Variants in MAP3K2 observed in about 807,000 individuals in gnomAD.
The protein encoded by MAP3K2 is MAP/ERK kinase kinase 2.
A neutral mutation model predicts 80.3 loss-of-function variants in MAP3K2; 24 were observed. The ratio of observed to expected loss-of-function variants is 0.30; its 90% CI spans 0.22 to 0.42. The LOEUF (loss-of-function observed/expected upper bound fraction) is 0.42, where lower values mean the gene tolerates loss of function less well. MAP3K2 is among the 10% of genes least tolerant of loss of function. The pLI is 1.00. For synonymous variants in MAP3K2, 244 were observed against 253.7 expected, an observed-to-expected ratio of 0.96 and a Z score of 0.36; for missense variants, 608 against 750.1, an observed-to-expected ratio of 0.81 and a Z score of 2.21.
At chr2:127,336,776 C>T (rs1471764017) in intron 4 of MAP3K2, among the ~76,000 whole-genome samples, 1 of 152,128 alleles carries the variant, frequency 6.6e-6, no homozygotes, top group Non-Finnish European at 1.5e-5. Context: ...ATTTGTGAGC[C>T]ACTTTAAAAT....
At chr2:127,370,990 G>A (rs1687053806) in intron 1 of MAP3K2, among the ~76,000 whole-genome samples, 1 of 152,226 alleles carries the variant, frequency 6.6e-6, no homozygotes, top group South Asian at 2.1e-4. Flanking sequence ...AGTGGCATTA[G>A]AAGGGGAGCT....
chr2:127,340,354 C>T (rs1464610771), intron 2 of MAP3K2, among the ~76,000 whole-genome samples: 1 of 152,090 alleles, frequency 6.6e-6, no homozygotes, highest in Non-Finnish European at 1.5e-5. Context: ...TTGATGTGAC[C>T]TTCTTTAAGA....
intron 5 of MAP3K2, among the ~76,000 whole-genome samples, chr2:127,334,225 A>G (rs1196420313): frequency 6.6e-6 from 1 of 152,178 alleles, no homozygotes; most frequent in Non-Finnish European, 1.5e-5. Context: ...AGGAGGTGAC[A>G]TAGGTATAAT....
intron 9 of MAP3K2, among the ~76,000 whole-genome samples, chr2:127,324,741 G>C (rs543661618): frequency 3.9e-5 from 6 of 152,096 alleles, no homozygotes; most frequent in Admixed American, 2.0e-4. Context: ...ATGGATAAAA[G>C]AAACTTAAAT....
intron 1 of MAP3K2, among the ~76,000 whole-genome samples, chr2:127,350,411 G>A (rs141646575): frequency 1.3e-5 from 2 of 148,882 alleles, no homozygotes; most frequent in East Asian, 3.9e-4. Flanking sequence ...TATCCCACCA[G>A]GGCGACATGG....
At position 127,303,228 on chromosome 2, in the gene MAP3K2, A is replaced by T. The variant is rs771188453; in HGVS notation, c.*4351T>A. ...AGGAACTGTCCTGATCTTAGTATAA[A>T]TAACACTGTTGACAGAGTTCAATTT... On this transcript the variant is annotated 3_prime_UTR_variant, in exon 17 of 17. Transcript: ENST00000682094. 3 of 152,150 alleles carry T rather than the reference A, an allele frequency of 2.0e-5. No individual in the cohort carries two copies. Among genetic ancestry groups the T allele is most frequent in the Non-Finnish European group, 4.4e-5 (3 of 68,020 alleles). The allele number at this position is 152,150 out of a possible 1,614,324, so 9.4% of individuals were successfully genotyped here. A position where few individuals can be genotyped will look rare whatever the true frequency, so the allele number is the denominator to read the frequency against.
chr2:127,353,987 G>A (rs933169119), intron 1 of MAP3K2, among the ~76,000 whole-genome samples: 1 of 151,796 alleles, frequency 6.6e-6, no homozygotes, highest in African/African-American at 2.4e-5. Context: ...TCCACTCAGG[G>A]TTAAATGGAT....
At chr2:127,350,778 T>A (rs117414192) in intron 1 of MAP3K2, among the ~76,000 whole-genome samples, 1 of 151,460 alleles carries the variant, frequency 6.6e-6, no homozygotes, top group Non-Finnish European at 1.5e-5. Flanking sequence ...CTTTCTAGTG[T>A]AGAAAGCCAG....
chr2:127,311,810 A>G (rs1398497249), intron 15 of MAP3K2, among the ~76,000 whole-genome samples: 20 of 152,236 alleles, frequency 1.3e-4, no homozygotes. Context: ...AAAAAAAACT[A>G]GAATCCAAAT....
intron 1 of MAP3K2, among the ~76,000 whole-genome samples, chr2:127,348,538 C>CA (rs1558984115): frequency 6.6e-6 from 1 of 152,098 alleles, no homozygotes; most frequent in African/African-American, 2.4e-5. Context: ...TCTAGAATAG[C>CA]AAATCTACAG....
intron 9 of MAP3K2, 100 bp downstream of exon 9, chr2:127,325,628 C>T (rs1209516759): frequency 2.3e-6 from 2 of 853,162 alleles, no homozygotes; most frequent in African/African-American, 1.7e-5. Context: ...GTCAAGGCTG[C>T]AGTAAGCCGC....
rs533025078 is a variant in MAP3K2, at chr2:127,353,883, T to C, written c.-65-10689A>G. On this transcript the variant is annotated intron_variant, in intron 1 of 16. Transcript: ENST00000682094. ...AGAAGTAGACATGGGAGACTTTTCA[T>C]TTTGTTCTGTACTAAGAAAAATTCT... 6.0e-3 allele frequency among the ~76,000 whole-genome samples: 912 copies of C among 151,944 alleles called. 9 individuals carry two copies. Among genetic ancestry groups the C allele is most frequent in the African/African-American group, 0.021 (875 of 41,384 alleles).
At chr2:127,353,253 C>T (rs372183080) in intron 1 of MAP3K2, among the ~76,000 whole-genome samples, 14 of 150,712 alleles carry the variant, frequency 9.3e-5, no homozygotes, top group Non-Finnish European at 1.9e-4. Flanking sequence ...TAGGAAGTGA[C>T]GAGCGTCTCT....
intron 1 of MAP3K2, among the ~76,000 whole-genome samples, chr2:127,359,531 A>T (rs1257464818): frequency 6.6e-6 from 1 of 152,234 alleles, no homozygotes; most frequent in African/African-American, 2.4e-5. Context: ...CAATCACTTC[A>T]GAAATGTTCG....
At position 127,387,963 on chromosome 2, in the gene MAP3K2, A is replaced by T; in HGVS notation, c.-577T>A. The T allele has an allele frequency of 3.0e-6, 3 of 983,816 alleles. No individual in the cohort carries two copies. The highest frequency in any genetic ancestry group is 1.8e-5 in the African/African-American group (1 of 57,000). 60.9% of individuals were successfully genotyped at this position (983,816 alleles called of 1,614,324 possible). A position where few individuals can be genotyped will look rare whatever the true frequency, so the allele number is the denominator to read the frequency against. On this transcript the variant is annotated 5_prime_UTR_variant, in exon 1 of 17. Coordinates refer to ENST00000682094, the MANE Select transcript of MAP3K2 (RefSeq NM_001371910.2). ...GCAGGCAGCCCGGCAGCCACTACACACGGACCCGTGACGTCGGGCGTAGCG... is the reference window on the plus strand; with the variant it reads ...GCAGGCAGCCCGGCAGCCACTACACTCGGACCCGTGACGTCGGGCGTAGCG...
rs1163026645 is a variant in MAP3K2, at chr2:127,387,920, C to T, written c.-534G>A. The stretch of plus-strand genomic sequence containing the variant: ...CGCCCAGCGGCCGCGGCACCCTCGT[C>T]AGGCGCCGCCGCTGAGGGCAGGCAG... On this transcript the variant is annotated 5_prime_UTR_variant, in exon 1 of 17. Coordinates refer to ENST00000682094, the MANE Select transcript of MAP3K2 (RefSeq NM_001371910.2). 17 of 982,272 alleles carry T rather than the reference C, an allele frequency of 1.7e-5. No individual in the cohort carries two copies. Among genetic ancestry groups the T allele is most frequent in the Non-Finnish European group, 1.9e-5 (16 of 827,324 alleles). 60.8% of individuals were successfully genotyped at this position (982,272 alleles called of 1,614,324 possible). A position where few individuals can be genotyped will look rare whatever the true frequency, so the allele number is the denominator to read the frequency against.
chr2:127,360,116 T>C (rs1686858922), intron 1 of MAP3K2, among the ~76,000 whole-genome samples: 1 of 152,180 alleles, frequency 6.6e-6, no homozygotes, highest in South Asian at 2.1e-4. Flanking sequence ...GAAACCCAAA[T>C]GTCCATCATC....
At chr2:127,386,641 A>G (rs1353902808) in intron 1 of MAP3K2, among the ~76,000 whole-genome samples, 1 of 152,094 alleles carries the variant, frequency 6.6e-6, no homozygotes, top group East Asian at 1.9e-4. Context: ...TAGTACATAA[A>G]AAGTAAAGGT....
At chr2:127,333,223 C>T (rs1431475199) in intron 5 of MAP3K2, among the ~76,000 whole-genome samples, 1 of 151,004 alleles carries the variant, frequency 6.6e-6, no homozygotes, top group Non-Finnish European at 1.5e-5. Flanking sequence ...CCACATCCAA[C>T]CCCCATGACA....
Sources: gnomAD v4.1 joint callset for allele counts (sites outside exome capture counted in the v4.1 genomes callset) on GRCh38, gnomAD v4.1.1 for gene constraint, MANE v1.5 for transcripts, NCBI Gene and HGNC (gene_info 2026-07-23, HGNC 2026-07-21) for gene names.